PDE2A: variants seen among roughly 807,000 people sequenced by gnomAD.
PDE2A encodes phosphodiesterase 2A.
A neutral mutation model predicts 133.6 loss-of-function variants in PDE2A; 53 were observed. The observed-to-expected ratio is 0.40, with a 90% CI of 0.32 to 0.50. The LOEUF (loss-of-function observed/expected upper bound fraction) is 0.50, where lower values mean the gene tolerates loss of function less well. Ranked by LOEUF, PDE2A falls within the 20% of genes least tolerant of loss-of-function variation. PDE2A has a pLI of 0.73. For missense variants in PDE2A, 796 were observed against 1,232.4 expected, an observed-to-expected ratio of 0.65 and a Z score of 5.30; for synonymous variants, 491 against 490.2, an observed-to-expected ratio of 1.00 and a Z score of -0.02.
chr11:72,647,927 G>A (rs1276827970), intron 1 of PDE2A, among the ~76,000 whole-genome samples: 2 of 152,194 alleles, frequency 1.3e-5, no homozygotes, highest in Non-Finnish European at 1.5e-5. Context: ...ATATGTCTGT[G>A]TATCTATAGG....
In PDE2A at chr11:72,586,329, C is replaced by A; in HGVS notation, c.1071-148G>T. Reference sequence around the variant, plus strand: ...ACAGGCCCTTGGAACAGCTTCCCACCCCCATGACCCTGCAGACTGGGGGCT... The same window carrying A: ...ACAGGCCCTTGGAACAGCTTCCCACACCCATGACCCTGCAGACTGGGGGCT... On this transcript the variant is annotated intron_variant, in intron 13 of 30. Transcript: ENST00000334456. The A allele has an allele frequency of 3.2e-6, 2 of 626,386 alleles. 1 individual carries two copies. Among genetic ancestry groups the A allele is most frequent in the South Asian group, 3.8e-5 (2 of 53,220 alleles). The allele number at this position is 626,386 out of a possible 1,614,324, so 38.8% of individuals were successfully genotyped here.
At chr11:72,609,146 G>T (rs1857097218) in intron 2 of PDE2A, among the ~76,000 whole-genome samples, 1 of 152,360 alleles carries the variant, frequency 6.6e-6, no homozygotes, top group South Asian at 2.1e-4. Context: ...TCCTAGCTCC[G>T]CTGTGTATGA....
intron 6 of PDE2A, among the ~76,000 whole-genome samples, chr11:72,592,426 A>G (rs1856292973): frequency 6.6e-6 from 1 of 152,182 alleles, no homozygotes; most frequent in South Asian, 2.1e-4. Context: ...GGAAGCTCAC[A>G]GTCTGTCTGG....
At chr11:72,620,016 C>T (rs536451436) in intron 2 of PDE2A, among the ~76,000 whole-genome samples, 10 of 152,228 alleles carry the variant, frequency 6.6e-5, no homozygotes, top group Admixed American at 3.3e-4. Flanking sequence ...TGGGCAGATG[C>T]GGGCCTGAGG....
chr11:72,598,391 G>A, intron 4 of PDE2A: 1 of 606,090 alleles, frequency 1.6e-6, no homozygotes, highest in Non-Finnish European at 2.7e-6. Context: ...GTGGCAGAGG[G>A]GTGGTGGGAA....
At chr11:72,605,105 A>G in intron 4 of PDE2A, 33 bp downstream of exon 4, 1 of 1,423,198 alleles carries the variant, frequency 7.0e-7, no homozygotes, top group Non-Finnish European at 9.9e-7. Flanking sequence ...TTGGCCATGC[A>G]AGAGGGCAAT....
intron 26 of PDE2A, 53 bp from the exon 27 acceptor site, chr11:72,579,436 T>C (rs953578197): frequency 6.3e-7 from 1 of 1,574,900 alleles, no homozygotes; most frequent in Non-Finnish European, 8.7e-7. Flanking sequence ...CCCACCCATT[T>C]GCCCATCCCA....
At chr11:72,598,834 C>A (rs1381352319) in intron 4 of PDE2A, 1 of 985,274 alleles carries the variant, frequency 1.0e-6, no homozygotes, top group African/African-American at 1.7e-5. Context: ...AATCCAGGAT[C>A]TACAGGAACC....
intron 2 of PDE2A, among the ~76,000 whole-genome samples, chr11:72,631,634 G>A (rs1182273371): frequency 1.3e-5 from 2 of 152,116 alleles, no homozygotes; most frequent in African/African-American, 4.8e-5. Context: ...CCATGTGGGA[G>A]CCCCCCTACC....
At chr11:72,669,163 G>A (rs74800845) in intron 1 of PDE2A, 5,355 of 159,132 alleles carry the variant, frequency 0.034, 140 homozygotes, top group Non-Finnish European at 0.053. Flanking sequence ...CAGCTACAGA[G>A]TAACAGTACA....
At chr11:72,642,530 C>G in intron 1 of PDE2A, 1 of 391,460 alleles carries the variant, frequency 2.6e-6, no homozygotes, top group Non-Finnish European at 3.5e-6. Flanking sequence ...CCTATGTCCC[C>G]GCCACCGCGG....
chr11:72,670,012 T>A (rs1410941276), intron 1 of PDE2A, among the ~76,000 whole-genome samples: 1 of 152,006 alleles, frequency 6.6e-6, no homozygotes, highest in Non-Finnish European at 1.5e-5. Flanking sequence ...AATTCCCCAC[T>A]CCTCTCCTGC....
At chr11:72,645,453 C>T (rs183934519) in intron 1 of PDE2A, among the ~76,000 whole-genome samples, 2 of 152,180 alleles carry the variant, frequency 1.3e-5, no homozygotes, top group African/African-American at 2.4e-5. Context: ...AAGGCCTTGC[C>T]GAGCTCTTAT....
chr11:72,671,464 A>G (rs341062), intron 1 of PDE2A, among the ~76,000 whole-genome samples: 72,832 of 151,862 alleles, frequency 0.48, 17,882 homozygotes, highest in Middle Eastern at 0.68. Flanking sequence ...CCAAGGGGTA[A>G]AGGACTGCTG....
chr11:72,581,837 G>A, intron 22 of PDE2A, 40 bp downstream of exon 22: 1 of 1,579,536 alleles, frequency 6.3e-7, no homozygotes, highest in Non-Finnish European at 8.7e-7. Context: ...GTAGAGGAAA[G>A]AGGGAGGCGA....
intron 2 of PDE2A, among the ~76,000 whole-genome samples, chr11:72,612,824 G>A (rs889479842): frequency 6.6e-5 from 10 of 152,256 alleles, no homozygotes; most frequent in Admixed American, 2.0e-4. Context: ...ACCACAGACA[G>A]CACCATTACC....
At chr11:72,582,404 A>G (rs1203492207) in intron 21 of PDE2A, 40 bp downstream of exon 21, 3 of 1,598,552 alleles carry the variant, frequency 1.9e-6, no homozygotes, top group Admixed American at 3.5e-5. Flanking sequence ...CTGGCTACAT[A>G]CCTTCGGCCT....
At chr11:72,606,838 G>A (rs1031311101) in intron 3 of PDE2A, among the ~76,000 whole-genome samples, 3 of 152,296 alleles carry the variant, frequency 2.0e-5, no homozygotes, top group Admixed American at 6.5e-5. Context: ...CTTCACTTCC[G>A]CATGTCCGTA....
intron 4 of PDE2A, among the ~76,000 whole-genome samples, chr11:72,602,638 C>A (rs1856808289): frequency 6.6e-6 from 1 of 152,218 alleles, no homozygotes; most frequent in African/African-American, 2.4e-5. Flanking sequence ...TTCTCAAGGT[C>A]ACTCAAGGCT....
Sources: allele counts gnomAD v4.1 joint callset (sites outside exome capture counted in the v4.1 genomes callset), GRCh38; gene constraint gnomAD v4.1.1; transcripts MANE v1.5; gene names NCBI Gene and HGNC (gene_info 2026-07-23, HGNC 2026-07-21).